The following TERF1 variants were observed in gnomAD, a reference collection of about 807,000 sequenced individuals.
TERF1 encodes the protein telomeric repeat binding factor 1.
A neutral mutation model predicts 55.1 loss-of-function variants in TERF1; 20 were observed. That is an observed-to-expected ratio of 0.36 (90% CI 0.26 to 0.53). TERF1 has a LOEUF of 0.53. Ranked by LOEUF, TERF1 falls within the 20% of genes least tolerant of loss-of-function variation. TERF1 has a pLI of 0.91. For synonymous variants in TERF1, 168 were observed against 181.2 expected (o/e 0.93, Z 0.59); for missense variants, 439 against 535.7 (o/e 0.82, Z 1.78).
intron 8 of TERF1, 144 bp from the exon 9 acceptor site, chr8:73,038,971 CT>C: frequency 1.4e-6 from 1 of 736,854 alleles, no homozygotes; most frequent in Non-Finnish European, 2.1e-6. Flanking sequence ...TACCATACTG[CT>C]TCCAGATTTG....
At chr8:73,045,906 AT>A in intron 9 of TERF1, 54 bp from the exon 10 acceptor site, 1 of 1,382,690 alleles carries the variant, frequency 7.2e-7, no homozygotes, top group Non-Finnish European at 9.6e-7. Flanking sequence ...TATAGTAGGT[AT>A]TTTCTTTTTG....
intron 8 of TERF1, among the ~76,000 whole-genome samples, chr8:73,036,441 A>G (rs1809513036): frequency 6.6e-6 from 1 of 152,130 alleles, no homozygotes; most frequent in Admixed American, 6.6e-5. Context: ...TGAGATTTTT[A>G]TGTGAAATTG....
chr8:73,034,059 C>G (rs948363093), intron 8 of TERF1, among the ~76,000 whole-genome samples: 14 of 152,102 alleles, frequency 9.2e-5, no homozygotes, highest in Admixed American at 1.3e-4. Context: ...TCAGTTGATC[C>G]TCCCACCTCA....
chr8:73,042,239 T>C (rs1809863410), intron 9 of TERF1, among the ~76,000 whole-genome samples: 1 of 152,172 alleles, frequency 6.6e-6, no homozygotes, highest in Non-Finnish European at 1.5e-5. Context: ...TTTACAGATA[T>C]ATATGAGGAA....
chr8:73,010,531 G>T (rs145562371), intron 1 of TERF1: 2 of 152,170 alleles, frequency 1.3e-5, no homozygotes, highest in Non-Finnish European at 2.9e-5. Flanking sequence ...TCCTTACTCT[G>T]TCAGATAAAA....
intron 2 of TERF1, among the ~76,000 whole-genome samples, chr8:73,015,649 A>G (rs1413212452): frequency 6.6e-6 from 1 of 151,892 alleles, no homozygotes; most frequent in Non-Finnish European, 1.5e-5. Context: ...CATCCTTGCT[A>G]ACGTGGTGAA....
intron 2 of TERF1, 43 bp from the exon 3 acceptor site, chr8:73,020,641 A>G (rs1284211571): frequency 9.0e-6 from 14 of 1,553,736 alleles, no homozygotes; most frequent in Non-Finnish European, 1.2e-5. Context: ...ACAAAGTTCT[A>G]CTTAGCTTTC....
intron 8 of TERF1, among the ~76,000 whole-genome samples, chr8:73,037,734 A>T (rs1164646466): frequency 2.3e-5 from 2 of 87,996 alleles, no homozygotes; most frequent in East Asian, 2.5e-4. Flanking sequence ...ATTATATAGT[A>T]TGAAATATAT....
intron 2 of TERF1, 137 bp downstream of exon 2, chr8:73,014,127 G>A: frequency 1.6e-6 from 1 of 638,846 alleles, no homozygotes. Context: ...GGTGGTGTGT[G>A]TGTGTGTGTA....
At chr8:73,024,398 C>T (rs976234433) in intron 4 of TERF1, among the ~76,000 whole-genome samples, 2 of 152,128 alleles carry the variant, frequency 1.3e-5, no homozygotes, top group African/African-American at 4.8e-5. Context: ...AGCAATGCTA[C>T]ATATTTGTGG....
At chr8:73,043,549 T>C (rs961167430) in intron 9 of TERF1, among the ~76,000 whole-genome samples, 2 of 152,282 alleles carry the variant, frequency 1.3e-5, no homozygotes, top group African/African-American at 4.8e-5. Context: ...ATTTTAAATA[T>C]ATTTTTTAAA....
At chr8:73,032,435 A>G (rs894512007) in intron 8 of TERF1, among the ~76,000 whole-genome samples, 3 of 152,192 alleles carry the variant, frequency 2.0e-5, no homozygotes, top group Non-Finnish European at 4.4e-5. Context: ...TGCATTGCAT[A>G]TAGGATGGTG....
At position 73,046,600 on chromosome 8, in the gene TERF1, A is replaced by AT. The variant is rs1474762262; in HGVS notation, c.*465dup. 1 of 152,080 alleles carries AT rather than the reference A, an allele frequency of 6.6e-6. No individual in the cohort carries two copies. The highest frequency in any genetic ancestry group is 1.5e-5 in the Non-Finnish European group (1 of 68,112). 9.4% of individuals were successfully genotyped at this position (152,080 alleles called of 1,614,324 possible). ...AACCTCTGCCTCCCAGGTTCAAGTG[A>AT]TTCTCCTGCCTCAGCCTCCTGAGTA... is the stretch of plus-strand genomic sequence containing the variant. On this transcript the variant is annotated 3_prime_UTR_variant, in exon 10 of 10. Coordinates refer to ENST00000276603, the MANE Select transcript of TERF1 (RefSeq NM_017489.3).
At chr8:73,040,469 A>T (rs1329732427) in intron 9 of TERF1, among the ~76,000 whole-genome samples, 1 of 152,128 alleles carries the variant, frequency 6.6e-6, no homozygotes, top group Non-Finnish European at 1.5e-5. Flanking sequence ...TTTTGGGTGA[A>T]TTCCCAAAGG....
chr8:73,036,293 A>G (rs968317247), intron 8 of TERF1, among the ~76,000 whole-genome samples: 2 of 152,176 alleles, frequency 1.3e-5, no homozygotes, highest in Non-Finnish European at 2.9e-5. Flanking sequence ...TGGCTATAGA[A>G]AATGCACTAT....
intron 6 of TERF1, among the ~76,000 whole-genome samples, chr8:73,029,326 T>A (rs1809174634): frequency 6.6e-6 from 1 of 152,204 alleles, no homozygotes; most frequent in African/African-American, 2.4e-5. Flanking sequence ...TCAAGTGTCT[T>A]ACAAAAATGG....
At chr8:73,009,478 A>G in intron 1 of TERF1, 1 of 458,480 alleles carries the variant, frequency 2.2e-6, no homozygotes. Context: ...AAATGTATAC[A>G]GTTCCACTCA....
intron 3 of TERF1, 45 bp from the exon 4 acceptor site, chr8:73,022,171 G>C (rs767652543): frequency 3.4e-6 from 4 of 1,166,790 alleles, no homozygotes; most frequent in East Asian, 5.1e-5. Flanking sequence ...ATAACTATTG[G>C]GTATTTATAA....
intron 7 of TERF1, chr8:73,030,800 CTG>C (rs1166379786): frequency 6.5e-6 from 1 of 153,878 alleles, no homozygotes; most frequent in African/African-American, 2.4e-5. Context: ...AATAGAATCG[CTG>C]TGACAGACAA....
Sources: gnomAD v4.1 joint callset for allele counts (sites outside exome capture counted in the v4.1 genomes callset) on GRCh38, gnomAD v4.1.1 for gene constraint, MANE v1.5 for transcripts, NCBI Gene and HGNC (gene_info 2026-07-23, HGNC 2026-07-21) for gene names.